PIWIL3: variants seen among roughly 807,000 people sequenced by gnomAD.
The protein encoded by PIWIL3 is piwi like RNA-mediated gene silencing 3.
A neutral mutation model predicts 109.7 loss-of-function variants in PIWIL3; 101 were observed. That is an observed-to-expected ratio of 0.92 (90% confidence interval 0.78 to 1.09). The LOEUF (loss-of-function observed/expected upper bound fraction) is 1.09, where lower values mean the gene tolerates loss of function less well. Among genes scored for constraint, PIWIL3 ranks in the 50% least tolerant of loss-of-function variants. The pLI, the probability that PIWIL3 is intolerant of heterozygous loss-of-function variation, is 0.00. For missense variants in PIWIL3, 1,031 were observed against 1,072.6 expected (o/e 0.96, Z 0.54); for synonymous variants, 373 against 376.4 (o/e 0.99, Z 0.10).
rs1200085341 is a variant in PIWIL3, at chr22:24,754,157, A to C, written c.834T>G (p.Ile278Met). The C allele has an allele frequency of 6.2e-7, 1 of 1,614,148 alleles. No individual in the cohort carries two copies. Among genetic ancestry groups the C allele is most frequent in the Admixed American group, 1.7e-5 (1 of 60,030 alleles). ...VTSVLQYENS[I>M]TLCADVSHKL... ...TGTGGCTCACATCGGCACAGAGGGT[A>C]ATGCTGTTTTCGTATTGAAGAACAG... Residue 278 changes from isoleucine to methionine, a missense_variant, in exon 8 of 21, where the codon ATT becomes ATG. Ile to Met is a conservative substitution (Grantham distance 10). Transcript: ENST00000616349.
chr22:24,731,228 A>G (rs530445107), intron 14 of PIWIL3, among the ~76,000 whole-genome samples: 1 of 152,316 alleles, frequency 6.6e-6, no homozygotes, highest in South Asian at 2.1e-4. Flanking sequence ...GAATGCCCCA[A>G]ACCTCCATGA....
intron 4 of PIWIL3, 23 bp downstream of exon 4, chr22:24,757,885 C>T (rs774390732): frequency 6.5e-7 from 1 of 1,540,404 alleles, no homozygotes; most frequent in African/African-American, 1.4e-5. Flanking sequence ...GCTCCATAAA[C>T]ATTGAGTTCT....
intron 1 of PIWIL3, among the ~76,000 whole-genome samples, chr22:24,773,161 T>C (rs1465618087): frequency 6.6e-6 from 1 of 152,142 alleles, no homozygotes; most frequent in South Asian, 2.1e-4. Context: ...CTGGGCCCTG[T>C]GTCCCTCTGA....
chr22:24,759,062 T>C (rs1010705344), intron 3 of PIWIL3, among the ~76,000 whole-genome samples: 2 of 152,124 alleles, frequency 1.3e-5, no homozygotes, highest in African/African-American at 4.8e-5. Context: ...CCCAGCTAAT[T>C]TGTATATTTT....
chr22:24,763,395 G>A (rs976400880), intron 1 of PIWIL3, among the ~76,000 whole-genome samples: 1 of 152,070 alleles, frequency 6.6e-6, no homozygotes, highest in African/African-American at 2.4e-5. Context: ...CCGCCTCCCG[G>A]GCTCCAGCGA....
At chr22:24,749,324 A>G in intron 11 of PIWIL3, 80 bp downstream of exon 11, 4 of 1,552,936 alleles carry the variant, frequency 2.6e-6, no homozygotes, top group South Asian at 2.5e-5. Context: ...AGAATCTGAC[A>G]TGCCAGGGCT....
At chr22:24,760,577 C>T (rs1427550468) in intron 2 of PIWIL3, among the ~76,000 whole-genome samples, 3 of 151,584 alleles carry the variant, frequency 2.0e-5, no homozygotes, top group Non-Finnish European at 4.4e-5. Flanking sequence ...CACCTGAGAT[C>T]GGGAGTTCAA....
chr22:24,725,176 G>A lies in PIWIL3; in HGVS notation c.2081-139C>T, dbSNP rs1275882966. On this transcript the variant is annotated intron_variant, in intron 17 of 20. Coordinates refer to ENST00000616349, the MANE Select transcript of PIWIL3 (RefSeq NM_001255975.1). The stretch of plus-strand genomic sequence containing the variant: ...ACTGCTTAAGTCCTGTCTATTCTGG[G>A]GTTCCTCAACAACAGCACTATGGAA... The A allele has an allele frequency of 2.7e-6, 3 of 1,105,462 alleles. No individual in the cohort carries two copies. In the African/African-American group the frequency reaches 4.7e-5, roughly 17 times the overall value. 68.5% of individuals were successfully genotyped at this position (1,105,462 alleles called of 1,614,324 possible).
chr22:24,760,121 TTGTAATAAGCAACATACATA>T, intron 2 of PIWIL3, 132 bp from the exon 3 acceptor site: 1 of 1,270,138 alleles, frequency 7.9e-7, no homozygotes, highest in Admixed American at 2.1e-5. Context: ...ATAAACTAAG[TTGTAATAAGCAACATACATA>T]GCACCTTGTG....
Position 24,756,799 on chromosome 22 carries a change from G to T in PIWIL3, c.356-94C>A, listed in dbSNP as rs1013840693. The T allele has an allele frequency of 8.9e-6, 10 of 1,128,278 alleles. No homozygotes were observed. The East Asian group carries it at 2.6e-4, about 29-fold the overall frequency. 69.9% of individuals were successfully genotyped at this position (1,128,278 alleles called of 1,614,324 possible). On this transcript the variant is annotated intron_variant, in intron 4 of 20. Coordinates refer to ENST00000616349, the MANE Select transcript of PIWIL3 (RefSeq NM_001255975.1). ...TACAATATTAAAAGCCAAAGTTAGGGCTGGGCACGGTGGCTCACGCCTCTA... is the reference window on the plus strand; with the variant it reads ...TACAATATTAAAAGCCAAAGTTAGGTCTGGGCACGGTGGCTCACGCCTCTA...
At chr22:24,766,043 A>G (rs1291289912) in intron 1 of PIWIL3, among the ~76,000 whole-genome samples, 1 of 74,196 alleles carries the variant, frequency 1.3e-5, no homozygotes, top group Non-Finnish European at 3.6e-5. Context: ...AACTTAATGG[A>G]AAAAAAAAAA....
At chr22:24,763,310 T>C (rs1329249243) in intron 1 of PIWIL3, among the ~76,000 whole-genome samples, 1 of 151,316 alleles carries the variant, frequency 6.6e-6, no homozygotes, top group Admixed American at 6.6e-5. Context: ...TGTTTGTTTG[T>C]TTTTTATTTT....
Position 24,719,913 on chromosome 22 carries a change from G to A in PIWIL3, c.2358-18C>T. 1 of 1,593,276 alleles carries A rather than the reference G, an allele frequency of 6.3e-7. No homozygotes were observed. The highest frequency in any genetic ancestry group is 8.6e-7 in the Non-Finnish European group (1 of 1,164,100). ...AGTCATACCTGGAAATATAGGACAT[G>A]TGGGTATCAGCTCATTTTAGAAAGA... On this transcript the variant is annotated intron_variant, in intron 19 of 20. Coordinates refer to ENST00000616349, the MANE Select transcript of PIWIL3 (RefSeq NM_001255975.1).
At chr22:24,757,699 C>CACAT (rs1354432959) in intron 4 of PIWIL3, among the ~76,000 whole-genome samples, 2 of 60,018 alleles carry the variant, frequency 3.3e-5, no homozygotes, top group Non-Finnish European at 7.3e-5. Flanking sequence ...CACACACACA[C>CACAT]ATTCGGGCAT....
intron 8 of PIWIL3, 101 bp from the exon 9 acceptor site, chr22:24,751,599 A>T (rs1924715383): frequency 1.3e-6 from 2 of 1,513,812 alleles, no homozygotes; most frequent in Non-Finnish European, 1.8e-6. Flanking sequence ...ATTGCAGAAT[A>T]TATTAGATTT....
chr22:24,719,881 AT>A lies in PIWIL3; in HGVS notation c.2371del (p.Ile791LeufsTer2). The A allele has an allele frequency of 6.2e-7, 1 of 1,610,478 alleles. No homozygotes were observed. Among genetic ancestry groups the A allele is most frequent in the Non-Finnish European group, 8.5e-7 (1 of 1,177,556 alleles). ...CCCATCTTGCACAGACTGACTCACAATAAAAAAGTCATACCTGGAAATATAG... is the reference window on the plus strand; with the variant it reads ...CCCATCTTGCACAGACTGACTCACAAAAAAAAGTCATACCTGGAAATATAG... ...LTRNEWYDFF[I>X]VSQSVQDGTV... On this transcript the variant is annotated frameshift_variant, in exon 20 of 21. Coordinates refer to ENST00000616349, the MANE Select transcript of PIWIL3 (RefSeq NM_001255975.1). LOFTEE classifies it high-confidence loss of function.
intron 1 of PIWIL3, among the ~76,000 whole-genome samples, chr22:24,770,390 T>G (rs1926064690): frequency 6.6e-6 from 1 of 152,236 alleles, no homozygotes; most frequent in Non-Finnish European, 1.5e-5. Context: ...CTATTTTTAT[T>G]TTAATTTTTG....
intron 1 of PIWIL3, among the ~76,000 whole-genome samples, chr22:24,772,816 G>T (rs1237627983): frequency 1.3e-5 from 2 of 152,194 alleles, no homozygotes; most frequent in African/African-American, 4.8e-5. Context: ...CTGGGGAAAA[G>T]GTTGGCAGAG....
chr22:24,728,107 C>T, intron 15 of PIWIL3, 54 bp from the exon 16 acceptor site: 1 of 1,606,274 alleles, frequency 6.2e-7, no homozygotes, highest in Non-Finnish European at 8.5e-7. Flanking sequence ...AAAATTTAAG[C>T]ATTAACAATT....
Sources: allele counts gnomAD v4.1 joint callset (sites outside exome capture counted in the v4.1 genomes callset), GRCh38; gene constraint gnomAD v4.1.1; transcripts MANE v1.5; gene names NCBI Gene and HGNC (gene_info 2026-07-23, HGNC 2026-07-21).